MYLK: variants seen among roughly 807,000 people sequenced by gnomAD.
The protein encoded by MYLK is myosin light chain kinase, smooth muscle.
Under a neutral mutation model 203.4 loss-of-function variants are expected in MYLK, and 106 were observed. The observed-to-expected ratio is 0.52, with a 90% confidence interval of 0.45 to 0.61. The LOEUF (loss-of-function observed/expected upper bound fraction) is 0.61, where lower values mean the gene tolerates loss of function less well. MYLK is among the 20% of genes least tolerant of loss of function. The pLI, the probability that MYLK is intolerant of heterozygous loss-of-function variation, is 0.00. For synonymous variants in MYLK, 867 were observed against 959.5 expected (o/e 0.90, Z 1.78); for missense variants, 2,072 against 2,442.3 (o/e 0.85, Z 3.20).
intron 2 of MYLK, among the ~76,000 whole-genome samples, chr3:123,833,629 G>C (rs2066402552): frequency 6.6e-6 from 1 of 152,086 alleles, no homozygotes. Context: ...ATGCACCACA[G>C]ACATTTAATA....
chr3:123,726,182 T>C, intron 11 of MYLK, 104 bp from the exon 12 acceptor site: 1 of 1,491,924 alleles, frequency 6.7e-7, no homozygotes, highest in South Asian at 1.2e-5. Flanking sequence ...CCTGGACACC[T>C]GGGTACCCTC....
chr3:123,790,754 A>G (rs527355813), intron 4 of MYLK, among the ~76,000 whole-genome samples: 176 of 152,324 alleles, frequency 1.2e-3, no homozygotes, highest in South Asian at 2.7e-3. Context: ...AAATCTTTAG[A>G]ACTTTCTCAC....
chr3:123,841,889 AG>A (rs2066600120), intron 2 of MYLK, among the ~76,000 whole-genome samples: 1 of 152,154 alleles, frequency 6.6e-6, no homozygotes, highest in South Asian at 2.1e-4. Context: ...GACTAGAGAC[AG>A]GGGTTAAAAA....
chr3:123,879,966 T>G (rs564765900), intron 1 of MYLK, among the ~76,000 whole-genome samples: 36 of 152,214 alleles, frequency 2.4e-4, no homozygotes, highest in Non-Finnish European at 5.1e-4. Flanking sequence ...CATTTACCTT[T>G]GTTTTATAAG....
chr3:123,813,212 A>G (rs571060151), intron 3 of MYLK, among the ~76,000 whole-genome samples: 1 of 152,310 alleles, frequency 6.6e-6, no homozygotes, highest in African/African-American at 2.4e-5. Context: ...AAAGGTTGCA[A>G]ATAGGGGAAG....
intron 21 of MYLK, 137 bp downstream of exon 21, chr3:123,667,000 T>C (rs1428362688): frequency 5.5e-6 from 4 of 725,002 alleles, no homozygotes; most frequent in Non-Finnish European, 9.3e-6. Context: ...AATGCAGAGC[T>C]GGAACTGAGG....
intron 1 of MYLK, among the ~76,000 whole-genome samples, chr3:123,879,117 G>A (rs1389913253): frequency 6.6e-6 from 1 of 152,194 alleles, no homozygotes; most frequent in African/African-American, 2.4e-5. Context: ...CATGAAAAGA[G>A]AACACAAAGC....
At chr3:123,796,933 T>C (rs534059940) in intron 3 of MYLK, among the ~76,000 whole-genome samples, 17 of 152,250 alleles carry the variant, frequency 1.1e-4, no homozygotes, top group African/African-American at 3.9e-4. Context: ...TGGGAAAGAA[T>C]CAGAGATACA....
At chr3:123,860,621 A>G (rs531604382) in intron 2 of MYLK, among the ~76,000 whole-genome samples, 11 of 152,296 alleles carry the variant, frequency 7.2e-5, no homozygotes, top group Admixed American at 4.6e-4. Flanking sequence ...CTGTCTGAGA[A>G]TAATTCTTGT....
chr3:123,737,473 A>G lies in MYLK; in HGVS notation c.659T>C (p.Ile220Thr). The G allele has an allele frequency of 6.2e-7, 1 of 1,614,100 alleles. No homozygotes were observed. Among genetic ancestry groups the G allele is most frequent in the Non-Finnish European group, 8.5e-7 (1 of 1,180,018 alleles). ...CACGTCATCTTGGTTGACTCCATGG[A>G]TTTCCAGAACCTGCATGCCGTTCTT... is the stretch of plus-strand genomic sequence containing the variant. The part of the protein sequence containing the change: ...SEKNGMQVLE[I>T]HGVNQDDVGV... The change falls in exon 8 of 34, where the codon ATC (isoleucine) becomes ACC (threonine). Residue 220 changes from isoleucine (I) to threonine (T), a missense_variant. By Grantham distance (89) the Ile-to-Thr change is moderately conservative. This residue lies in a region of MYLK where 683 missense variants were observed against 643.8 expected (regional missense o/e 1.06). Transcript: ENST00000360304.
At chr3:123,751,324 A>G (rs1415572330) in intron 5 of MYLK, among the ~76,000 whole-genome samples, 3 of 152,240 alleles carry the variant, frequency 2.0e-5, no homozygotes, top group Non-Finnish European at 4.4e-5. Flanking sequence ...GTAGCAAAAA[A>G]TATTTTACTT....
chr3:123,675,698 T>A (rs1000000764), intron 20 of MYLK, among the ~76,000 whole-genome samples: 15 of 152,114 alleles, frequency 9.9e-5, no homozygotes, highest in Non-Finnish European at 2.1e-4. Flanking sequence ...AAAATCAGCA[T>A]GAACTTTCTG....
chr3:123,774,229 T>A (rs1180563402), intron 4 of MYLK, among the ~76,000 whole-genome samples: 1 of 152,182 alleles, frequency 6.6e-6, no homozygotes, highest in Non-Finnish European at 1.5e-5. Context: ...ATAAACTGCA[T>A]ACAAAACCTT....
chr3:123,828,437 C>A (rs1482317165), intron 3 of MYLK, among the ~76,000 whole-genome samples: 1 of 152,052 alleles, frequency 6.6e-6, no homozygotes, highest in African/African-American at 2.4e-5. Context: ...CACCGCTCAT[C>A]CTATACAAAA....
At position 123,856,481 on chromosome 3, in the gene MYLK, A is replaced by G. The variant is rs78890984; in HGVS notation, c.-127+20078T>C. Reference sequence around the variant, plus strand: ...AACACAGCCAGTTTTCCATTTAACTATATTATCCATTCAAATATTTATTGA... The same window carrying G: ...AACACAGCCAGTTTTCCATTTAACTGTATTATCCATTCAAATATTTATTGA... On this transcript the variant is annotated intron_variant, in intron 2 of 33. Coordinates refer to ENST00000360304, the MANE Select transcript of MYLK (RefSeq NM_053025.4). Among the ~76,000 whole-genome samples, 92 of 152,332 alleles carry G rather than the reference A, an allele frequency of 6.0e-4. 2 individuals carry two copies. In the South Asian group the frequency reaches 0.011, roughly 18 times the overall value.
At chr3:123,656,779 A>G (rs190101146) in intron 24 of MYLK, among the ~76,000 whole-genome samples, 163 of 152,320 alleles carry the variant, frequency 1.1e-3, no homozygotes, top group Non-Finnish European at 1.9e-3. Flanking sequence ...TCTGACACCA[A>G]GTAGACACTC....
At chr3:123,720,131 T>C (rs2062035866) in intron 13 of MYLK, among the ~76,000 whole-genome samples, 1 of 152,238 alleles carries the variant, frequency 6.6e-6, no homozygotes, top group South Asian at 2.1e-4. Context: ...GGTTCTGTCA[T>C]GCAGGCCTCT....
intron 5 of MYLK, among the ~76,000 whole-genome samples, chr3:123,748,300 C>T (rs2063082749): frequency 1.3e-5 from 2 of 152,218 alleles, no homozygotes; most frequent in South Asian, 2.1e-4. Flanking sequence ...AGGGATCCAT[C>T]CCCATGATCT....
At position 123,796,132 on chromosome 3, in the gene MYLK, A is replaced by G. The variant is rs148572832; in HGVS notation, c.-3-2288T>C. Among the ~76,000 whole-genome samples the G allele has an allele frequency of 6.6e-3, 1,012 of 152,298 alleles. 20 individuals are homozygous for G. Among genetic ancestry groups the G allele is most frequent in the African/African-American group, 0.024 (981 of 41,562 alleles). Reference sequence around the variant, plus strand: ...GCAGTAGGTAGCAATAAAAGCAAACACTTGTGTAGCACTTACTAGATGTGG... The same window carrying G: ...GCAGTAGGTAGCAATAAAAGCAAACGCTTGTGTAGCACTTACTAGATGTGG... On this transcript the variant is annotated intron_variant, in intron 3 of 33. Transcript: ENST00000360304.
Sources: allele counts gnomAD v4.1 joint callset (sites outside exome capture counted in the v4.1 genomes callset), GRCh38; gene constraint gnomAD v4.1.1; regional missense constraint gnomAD v4.1.1; transcripts MANE v1.5; gene names NCBI Gene and HGNC (gene_info 2026-07-23, HGNC 2026-07-21).